VPS41: variants seen among roughly 807,000 people sequenced by gnomAD.
The protein encoded by VPS41 is vacuolar protein sorting-associated protein 41 homolog.
Under a neutral mutation model 130.9 loss-of-function variants are expected in VPS41, and 85 were observed. The ratio of observed to expected loss-of-function variants is 0.65; its 90% CI spans 0.55 to 0.78. The LOEUF (loss-of-function observed/expected upper bound fraction) is 0.78, where lower values mean the gene tolerates loss of function less well. Ranked by LOEUF, VPS41 falls within the 30% of genes least tolerant of loss-of-function variation. VPS41 has a pLI of 0.00. For missense variants in VPS41, 874 were observed against 1,018.7 expected (o/e 0.86, Z 1.93); for synonymous variants, 335 against 332.9 (o/e 1.01, Z -0.07).
intron 5 of VPS41, among the ~76,000 whole-genome samples, chr7:38,824,822 G>GA (rs1370657874): frequency 2.6e-5 from 4 of 151,948 alleles, no homozygotes; most frequent in Non-Finnish European, 2.9e-5. Flanking sequence ...AGAAATTTTA[G>GA]AAAAAAAGTG....
intron 9 of VPS41, among the ~76,000 whole-genome samples, chr7:38,793,670 T>G (rs771541211): frequency 1.3e-5 from 2 of 152,208 alleles, no homozygotes; most frequent in African/African-American, 2.4e-5. Flanking sequence ...TTGGGTTCAC[T>G]GGGCTAAAAT....
chr7:38,727,765 T>C (rs565415576), intron 27 of VPS41, among the ~76,000 whole-genome samples: 1 of 152,312 alleles, frequency 6.6e-6, no homozygotes, highest in South Asian at 2.1e-4. Flanking sequence ...CTAGGTCTTT[T>C]AGTACTTTGT....
At chr7:38,759,122 G>A (rs1038244494) in intron 17 of VPS41, among the ~76,000 whole-genome samples, 2 of 152,248 alleles carry the variant, frequency 1.3e-5, no homozygotes, top group African/African-American at 4.8e-5. Flanking sequence ...CCAGTTTATA[G>A]TTGACCAGTC....
chr7:38,763,559 A>T lies in VPS41; in HGVS notation c.1330-12T>A. 1 of 1,553,632 alleles carries T rather than the reference A, an allele frequency of 6.4e-7. No homozygotes were observed. The highest frequency in any genetic ancestry group is 2.1e-5 in the Admixed American group (1 of 48,446). On this transcript the variant is annotated splice_polypyrimidine_tract_variant and intron_variant, in intron 16 of 28. Transcript: ENST00000310301. ...TAAGGACTAATAGCCTAGGTAAGGA[A>T]AAGGGAAAAAAAAGTCCATTAAAAT...
At chr7:38,812,692 A>G (rs1384803148) in intron 7 of VPS41, among the ~76,000 whole-genome samples, 1 of 152,184 alleles carries the variant, frequency 6.6e-6, no homozygotes, top group African/African-American at 2.4e-5. Flanking sequence ...TTATAACTCT[A>G]TAATTAAAAA....
intron 9 of VPS41, 56 bp downstream of exon 9, chr7:38,795,409 C>A: frequency 6.6e-7 from 1 of 1,508,944 alleles, no homozygotes; most frequent in East Asian, 2.4e-5. Flanking sequence ...GTCCTTTGGA[C>A]CACCCTCAGT....
At chr7:38,787,042 A>G (rs764441776) in intron 10 of VPS41, among the ~76,000 whole-genome samples, 5 of 152,248 alleles carry the variant, frequency 3.3e-5, no homozygotes, top group South Asian at 2.1e-4. Flanking sequence ...TATATGATCA[A>G]TGAAGATACA....
At position 38,795,470 on chromosome 7, in the gene VPS41, CA is replaced by C; in HGVS notation, c.711del (p.Val238SerfsTer6). The C allele has an allele frequency of 2.5e-6, 4 of 1,610,594 alleles. No individual in the cohort carries two copies. Among genetic ancestry groups the C allele is most frequent in the Non-Finnish European group, 3.4e-6 (4 of 1,178,178 alleles). Reference protein sequence around the residue: ...NVTLIIGWGTSVKVCSVKERH... With the variant: ...NVTLIIGWGTXVKVCSVKERH... ...ATAAAGACAAGCAAAACCACCTTGA[CA>C]GAAGTCCCCCAGCCAATAATCAGTG... On this transcript the variant is annotated frameshift_variant, in exon 9 of 29. Transcript: ENST00000310301. LOFTEE classifies it high-confidence loss of function.
intron 4 of VPS41, among the ~76,000 whole-genome samples, chr7:38,841,770 A>C (rs148552680): frequency 0.019 from 2,838 of 152,206 alleles, 97 homozygotes; most frequent in African/African-American, 0.064. Context: ...CACCCAGCTA[A>C]TTGTTGTATT....
In VPS41 at chr7:38,728,593, G is replaced by A. The variant is rs371422819; in HGVS notation, c.2360-7C>T. On this transcript the variant is annotated splice_polypyrimidine_tract_variant and splice_region_variant and intron_variant, in intron 26 of 28. Coordinates refer to ENST00000310301, the MANE Select transcript of VPS41 (RefSeq NM_014396.4). ...GACTCACAGATGTTCTCCTCTGTAA[G>A]AAAACACACATACTTTGGATTATGC... 6.2e-7 allele frequency: 1 copy of A among 1,613,996 alleles called. No homozygotes were observed. The highest frequency in any genetic ancestry group is 8.5e-7 in the Non-Finnish European group (1 of 1,180,014).
At chr7:38,884,116 A>C (rs1786670395) in intron 2 of VPS41, among the ~76,000 whole-genome samples, 1 of 152,262 alleles carries the variant, frequency 6.6e-6, no homozygotes, top group Non-Finnish European at 1.5e-5. Context: ...TTAATTTTCA[A>C]TAAATGATTC....
At chr7:38,870,238 C>G (rs1251654635) in intron 2 of VPS41, among the ~76,000 whole-genome samples, 1 of 152,166 alleles carries the variant, frequency 6.6e-6, no homozygotes, top group Admixed American at 6.5e-5. Context: ...GAGCTTGTTA[C>G]ACAGCTACTT....
At chr7:38,842,393 C>A (rs770437986) in intron 4 of VPS41, among the ~76,000 whole-genome samples, 21 of 152,192 alleles carry the variant, frequency 1.4e-4, no homozygotes, top group Non-Finnish European at 2.6e-4. Context: ...GCAAATTACA[C>A]ATGTTGCTAC....
chr7:38,843,032 G>A (rs1476147726), intron 4 of VPS41, among the ~76,000 whole-genome samples: 3 of 152,108 alleles, frequency 2.0e-5, no homozygotes, highest in Admixed American at 6.5e-5. Context: ...GAGAAAACAG[G>A]TAAATACATA....
intron 9 of VPS41, among the ~76,000 whole-genome samples, chr7:38,791,867 CA>C: frequency 6.6e-6 from 1 of 152,120 alleles, no homozygotes; most frequent in African/African-American, 2.4e-5. Context: ...AAACCAGCAC[CA>C]AAAAGACTTG....
intron 2 of VPS41, among the ~76,000 whole-genome samples, chr7:38,881,698 C>T (rs1333042882): frequency 1.3e-5 from 2 of 152,140 alleles, no homozygotes; most frequent in African/African-American, 2.4e-5. Context: ...AGTCAGGAGG[C>T]GAGGAGTGGT....
intron 8 of VPS41, among the ~76,000 whole-genome samples, chr7:38,795,817 A>G (rs1784608183): frequency 6.6e-6 from 1 of 152,198 alleles, no homozygotes; most frequent in East Asian, 1.9e-4. Flanking sequence ...TTTCTGGACA[A>G]AGGAGATTTT....
At chr7:38,890,312 T>C (rs1786832909) in intron 2 of VPS41, among the ~76,000 whole-genome samples, 6 of 152,180 alleles carry the variant, frequency 3.9e-5, no homozygotes, top group Admixed American at 3.3e-4. Flanking sequence ...GTTCTATGCA[T>C]ATAGTATGTA....
At chr7:38,847,764 G>A (rs1364011392) in intron 4 of VPS41, among the ~76,000 whole-genome samples, 1 of 152,152 alleles carries the variant, frequency 6.6e-6, no homozygotes, top group Non-Finnish European at 1.5e-5. Flanking sequence ...GGAAAAATCT[G>A]TTAGGAGTAA....
Sources: gnomAD v4.1 joint callset for allele counts (sites outside exome capture counted in the v4.1 genomes callset) on GRCh38, gnomAD v4.1.1 for gene constraint, MANE v1.5 for transcripts, NCBI Gene and HGNC (gene_info 2026-07-23, HGNC 2026-07-21) for gene names.